CACNA1H: variants seen among roughly 807,000 people sequenced by gnomAD.
CACNA1H encodes calcium voltage-gated channel subunit alpha1 H, also known as voltage-dependent T-type calcium channel subunit alpha-1H.
In CACNA1H, 149 loss-of-function variants were observed where a neutral mutation model predicts 192.5. The ratio of observed to expected loss-of-function variants is 0.77; its 90% CI spans 0.68 to 0.89. The LOEUF (loss-of-function observed/expected upper bound fraction) is 0.89, where lower values mean the gene tolerates loss of function less well. CACNA1H is among the 40% of genes least tolerant of loss of function. The pLI, the probability that CACNA1H is intolerant of heterozygous loss-of-function variation, is 0.00. For missense variants in CACNA1H, 4,257 were observed against 3,423.5 expected, an observed-to-expected ratio of 1.24 and a Z score of -6.08; for synonymous variants, 2,202 against 1,475.2, an observed-to-expected ratio of 1.49 and a Z score of -11.29.
At chr16:1,216,856 C>T (rs368058035) in intron 30 of CACNA1H, 76 bp from the exon 31 acceptor site, 10 of 1,202,422 alleles carry the variant, frequency 8.3e-6, no homozygotes, top group African/African-American at 3.0e-5. Context: ...GTGGCCGAGG[C>T]GCCGAGTGCC....
At chr16:1,158,864 A>T (rs1962800507) in intron 2 of CACNA1H, among the ~76,000 whole-genome samples, 1 of 142,034 alleles carries the variant, frequency 7.0e-6, no homozygotes, top group African/African-American at 2.8e-5. Flanking sequence ...CTCAGCCCGC[A>T]CCCCTGGCCC....
In CACNA1H at chr16:1,210,817, C is replaced by T; in HGVS notation, c.4069C>T (p.His1357Tyr). Reference protein sequence around the residue: ...VVALGLLSGEHAYLQSSWNLL... With the variant: ...VVALGLLSGEYAYLQSSWNLL... ...GGCCCTGGGGCTGCTGTCCGGCGAG[C>T]ACGCCTACCTGCAGAGCAGCTGGAA... The change falls in exon 21 of 35, where the codon CAC (histidine) becomes TAC (tyrosine). Residue 1357 changes from histidine (H) to tyrosine (Y), a missense_variant. Transcript: ENST00000348261. 1 of 1,602,970 alleles carries T rather than the reference C, an allele frequency of 6.2e-7. No individual in the cohort carries two copies.
At chr16:1,183,011 C>T (rs1187171398) in intron 2 of CACNA1H, among the ~76,000 whole-genome samples, 1 of 152,018 alleles carries the variant, frequency 6.6e-6, no homozygotes, top group Non-Finnish European at 1.5e-5. Context: ...AGGGCTGGTA[C>T]AGGTACCTGT....
At chr16:1,168,449 T>C (rs2151691934) in intron 2 of CACNA1H, among the ~76,000 whole-genome samples, 1 of 152,052 alleles carries the variant, frequency 6.6e-6, no homozygotes, top group South Asian at 2.1e-4. Flanking sequence ...GACTTGTGAT[T>C]GTGGCTCCTG....
rs140638100 is a variant in CACNA1H at position 1,173,557 on chromosome 16, C to G, written c.299+19521C>G. ...ATAAGCCCTTTGTGTGTTAACATAA[C>G]ACGTCCTTTTATGGAAAAGGTTATA... On this transcript the variant is annotated intron_variant, in intron 2 of 34. Transcript: ENST00000348261. Among the ~76,000 whole-genome samples, 3 of 152,340 alleles carry G rather than the reference C, an allele frequency of 2.0e-5. No homozygotes were observed. The East Asian group carries it at 5.8e-4, about 29-fold the overall frequency.
Position 1,194,229 on chromosome 16 carries a change from C to T in CACNA1H, c.300-743C>T, listed in dbSNP as rs1056769059. 1.1e-4 allele frequency among the ~76,000 whole-genome samples: 17 copies of T among 152,166 alleles called. 1 individual carries two copies. The highest frequency in any genetic ancestry group is 6.5e-4 in the Admixed American group (10 of 15,286). ...AGGATGCCCAGCTCTGTCTCCTCCT[C>T]GGTTCCCACGTGTTGGTGACGGCAG... On this transcript the variant is annotated intron_variant, in intron 2 of 34. Transcript: ENST00000348261.
intron 2 of CACNA1H, among the ~76,000 whole-genome samples, chr16:1,186,423 C>G (rs552197642): frequency 3.3e-5 from 5 of 152,184 alleles, no homozygotes; most frequent in African/African-American, 4.8e-5. Context: ...ATTCGCCGTG[C>G]AGAAAGCCGG....
chr16:1,192,652 G>T (rs1369725257), intron 2 of CACNA1H, among the ~76,000 whole-genome samples: 2 of 152,294 alleles, frequency 1.3e-5, no homozygotes, highest in African/African-American at 4.8e-5. Context: ...GTACAGGGAG[G>T]GTGTGAAAGG....
intron 27 of CACNA1H, 127 bp from the exon 28 acceptor site, chr16:1,214,845 A>T: frequency 1.5e-6 from 1 of 660,332 alleles, no homozygotes; most frequent in Non-Finnish European, 2.7e-6. Context: ...CCCAGGGAGG[A>T]GCTACTGAGC....
chr16:1,188,717 G>C (rs1422961699), intron 2 of CACNA1H, among the ~76,000 whole-genome samples: 1 of 152,212 alleles, frequency 6.6e-6, no homozygotes, highest in African/African-American at 2.4e-5. Context: ...ACTACCCCCA[G>C]ATGAGAAAAC....
At chr16:1,200,922 G>T in intron 8 of CACNA1H, 114 bp downstream of exon 8, 1 of 700,808 alleles carries the variant, frequency 1.4e-6, no homozygotes, top group Non-Finnish European at 2.4e-6. Context: ...GCTGAAGGGA[G>T]CACACAGGGG....
Position 1,211,761 on chromosome 16 carries a change from A to C in CACNA1H, c.4522A>C (p.Asn1508His), listed in dbSNP as rs1312547255. The C allele has an allele frequency of 3.1e-6, 5 of 1,612,722 alleles. No homozygotes were observed. Among genetic ancestry groups the C allele is most frequent in the Non-Finnish European group, 4.2e-6 (5 of 1,179,736 alleles). Residue 1508 changes from asparagine (N) to histidine (H), a missense_variant, in exon 24 of 35, where the codon AAC (asparagine) becomes CAC (histidine). Coordinates refer to ENST00000348261, the MANE Select transcript of CACNA1H (RefSeq NM_021098.3). ...FVLSSKDGWV[N>H]IMYDGLDAVG... The stretch of plus-strand genomic sequence containing the variant: ...GCTGTCATCCAAGGATGGATGGGTG[A>C]ACATCATGTACGACGGGCTGGATGC...
In CACNA1H at chr16:1,200,584, A is replaced by T. The variant is rs1967734739; in HGVS notation, c.1119+13A>T. On this transcript the variant is annotated intron_variant, in intron 7 of 34. Transcript: ENST00000348261. Reference sequence around the variant, plus strand: ...TGCCATCTTCCAGGTGGGCGGCAAGATGGTGGGACGGGGACCCTGGGGCAC... The same window carrying T: ...TGCCATCTTCCAGGTGGGCGGCAAGTTGGTGGGACGGGGACCCTGGGGCAC... The T allele has an allele frequency of 1.9e-6, 3 of 1,611,004 alleles. No homozygotes were observed. The highest frequency in any genetic ancestry group is 1.1e-5 in the South Asian group (1 of 91,068).
In CACNA1H at chr16:1,195,493, T is replaced by G. The variant is rs1555508989; in HGVS notation, c.473T>G (p.Leu158Trp). The change falls in exon 4 of 35, where the codon TTG (leucine) becomes TGG (tryptophan). Residue 158 changes from leucine to tryptophan, a missense_variant. Leu to Trp is a moderately conservative substitution (Grantham distance 61). Coordinates refer to ENST00000348261, the MANE Select transcript of CACNA1H (RefSeq NM_021098.3). The part of the protein sequence containing the change: ...AVEMVIKMVA[L>W]GLFGQKCYLG... Reference sequence around the variant, plus strand: ...GAGATGGTCATCAAGATGGTGGCCTTGGGGCTGTTCGGGCAGAAGTGTTAC... The same window carrying G: ...GAGATGGTCATCAAGATGGTGGCCTGGGGGCTGTTCGGGCAGAAGTGTTAC... The G allele has an allele frequency of 6.3e-7, 1 of 1,596,674 alleles. No individual in the cohort carries two copies. The highest frequency in any genetic ancestry group is 2.3e-5 in the East Asian group (1 of 44,126).
chr16:1,201,590 C>T lies in CACNA1H; in HGVS notation c.1213-73C>T, dbSNP rs573859075. On this transcript the variant is annotated intron_variant, in intron 8 of 34. Transcript: ENST00000348261. ...ACGCGGCCCCCACTCGAACAGGCAG[C>T]GCACAGTAGGGCTCAGTGGCGAATC... The T allele has an allele frequency of 3.1e-4, 454 of 1,474,120 alleles. 1 individual carries two copies. Among genetic ancestry groups the T allele is most frequent in the Non-Finnish European group, 3.7e-4 (404 of 1,100,390 alleles). 91.3% of individuals were successfully genotyped at this position (1,474,120 alleles called of 1,614,324 possible).
rs1055161144 is a variant in CACNA1H at position 1,180,926 on chromosome 16, G to C, written c.300-14046G>C. ...TGGCAGGGGCTCACCCCGTCTTCCC[G>C]CAGGAAAGCGCCTTGGCGGGACTGC... On this transcript the variant is annotated intron_variant, in intron 2 of 34. Coordinates refer to ENST00000348261, the MANE Select transcript of CACNA1H (RefSeq NM_021098.3). This position sits in a 1 kb window ranked among gnomAD's most constrained non-coding sequence, Gnocchi z 4.4. Among the ~76,000 whole-genome samples the C allele has an allele frequency of 1.3e-5, 2 of 152,202 alleles. No homozygotes were observed. The highest frequency in any genetic ancestry group is 2.9e-5 in the Non-Finnish European group (2 of 68,014).
At chr16:1,188,623 C>T (rs2151797651) in intron 2 of CACNA1H, among the ~76,000 whole-genome samples, 1 of 152,352 alleles carries the variant, frequency 6.6e-6, no homozygotes, top group East Asian at 1.9e-4. Flanking sequence ...CACGCCCGCG[C>T]CCAGGGGCCG....
chr16:1,163,636 C>G (rs1963452322), intron 2 of CACNA1H, among the ~76,000 whole-genome samples: 1 of 152,260 alleles, frequency 6.6e-6, no homozygotes, highest in Admixed American at 6.5e-5. Flanking sequence ...AGTCAGCCTG[C>G]ATTAGCGCCT....
In CACNA1H at chr16:1,218,045, C is replaced by A; in HGVS notation, c.5445+5C>A. On this transcript the variant is annotated splice_donor_5th_base_variant and intron_variant, in intron 32 of 34. Transcript: ENST00000348261. ...AACTGGAACGGGATCATGAAGGTAC[C>A]CGCCGCGGCCATGCCTCTGGCACCT... 1 of 1,596,918 alleles carries A rather than the reference C, an allele frequency of 6.3e-7. No homozygotes were observed. The highest frequency in any genetic ancestry group is 8.5e-7 in the Non-Finnish European group (1 of 1,171,648).
Sources: allele counts gnomAD v4.1 joint callset (sites outside exome capture counted in the v4.1 genomes callset), GRCh38; gene constraint gnomAD v4.1.1; non-coding constraint Gnocchi (gnomAD v3.1); transcripts MANE v1.5; gene names NCBI Gene and HGNC (gene_info 2026-07-23, HGNC 2026-07-21).